ROBO1: variants seen among roughly 807,000 people sequenced by gnomAD.
ROBO1 encodes roundabout guidance receptor 1, also known as roundabout homolog 1.
Under a neutral mutation model 195.9 loss-of-function variants are expected in ROBO1, and 149 were observed. The observed-to-expected ratio is 0.76, with a 90% confidence interval of 0.67 to 0.87. The LOEUF (loss-of-function observed/expected upper bound fraction) is 0.87, where lower values mean the gene tolerates loss of function less well. Ranked by LOEUF, ROBO1 falls within the 40% of genes least tolerant of loss-of-function variation. The probability of loss-of-function intolerance (pLI) is 0.00; values close to 1 mark genes in which losing one functional copy is unlikely to be tolerated. For synonymous variants in ROBO1, 816 were observed against 733.2 expected, an observed-to-expected ratio of 1.11 and a Z score of -1.82; for missense variants, 1,933 against 2,068.3, an observed-to-expected ratio of 0.93 and a Z score of 1.27.
At chr3:79,386,168 C>T (rs1054572257) in intron 2 of ROBO1, among the ~76,000 whole-genome samples, 1 of 151,890 alleles carries the variant, frequency 6.6e-6, no homozygotes, top group African/African-American at 2.4e-5. Flanking sequence ...TAGAAACAGA[C>T]ATATCAGAAT....
intron 4 of ROBO1, among the ~76,000 whole-genome samples, chr3:78,930,960 T>C (rs1455170967): frequency 1.3e-5 from 2 of 152,184 alleles, no homozygotes; most frequent in African/African-American, 4.8e-5. Flanking sequence ...AATTCCTTCC[T>C]GGCACTTGTC....
intron 2 of ROBO1, among the ~76,000 whole-genome samples, chr3:79,463,384 AC>A (rs1937763603): frequency 6.7e-6 from 1 of 149,766 alleles, no homozygotes; most frequent in African/African-American, 2.5e-5. Context: ...CAAAAAAAAA[AC>A]ATAAAACAAA....
chr3:79,438,325 T>C (rs994656888), intron 2 of ROBO1, among the ~76,000 whole-genome samples: 1 of 151,934 alleles, frequency 6.6e-6, no homozygotes, highest in Non-Finnish European at 1.5e-5. Flanking sequence ...CCAATTTATA[T>C]TAACACTAAC....
rs2040677416 is a variant in ROBO1 at position 78,949,889 on chromosome 3, C to A, written c.173-10962G>T. 2.0e-5 allele frequency among the ~76,000 whole-genome samples: 3 copies of A among 152,180 alleles called. No individual in the cohort carries two copies. In the South Asian group the frequency reaches 6.2e-4, roughly 31 times the overall value. ...CACTTCTCAAAAGAAGACATTTATG[C>A]AGCCAAAATCACATGAAAAAATGCT... On this transcript the variant is annotated intron_variant, in intron 3 of 30. Transcript: ENST00000464233.
At chr3:79,736,951 T>C (rs1703417483) in intron 1 of ROBO1, among the ~76,000 whole-genome samples, 1 of 152,230 alleles carries the variant, frequency 6.6e-6, no homozygotes, top group Non-Finnish European at 1.5e-5. Flanking sequence ...TATATTTCAA[T>C]AGACTTCTTT....
intron 9 of ROBO1, 111 bp downstream of exon 9, chr3:78,688,537 T>G: frequency 8.7e-7 from 1 of 1,155,708 alleles, no homozygotes; most frequent in Non-Finnish European, 1.2e-6. Context: ...GATTTGCCAG[T>G]TCTCTTAATG....
intron 4 of ROBO1, among the ~76,000 whole-genome samples, chr3:78,812,543 TA>T (rs1449836416): frequency 1.3e-5 from 2 of 152,110 alleles, no homozygotes; most frequent in Non-Finnish European, 2.9e-5. Flanking sequence ...TAAAACGGAA[TA>T]AATATCCTGG....
chr3:79,197,484 T>C (rs2081661052), intron 2 of ROBO1, among the ~76,000 whole-genome samples: 1 of 152,124 alleles, frequency 6.6e-6, no homozygotes, highest in South Asian at 2.1e-4. Flanking sequence ...TTGTGAACGG[T>C]GCCACAATAA....
chr3:79,069,507 T>A (rs2079053607), intron 3 of ROBO1, among the ~76,000 whole-genome samples: 1 of 152,000 alleles, frequency 6.6e-6, no homozygotes, highest in Non-Finnish European at 1.5e-5. Flanking sequence ...TGCTATTTGC[T>A]ACTATTTACA....
At chr3:78,835,545 T>C (rs1411543515) in intron 4 of ROBO1, among the ~76,000 whole-genome samples, 1 of 152,200 alleles carries the variant, frequency 6.6e-6, no homozygotes, top group African/African-American at 2.4e-5. Context: ...CTAAATTTCC[T>C]ATAGGGAGTG....
intron 2 of ROBO1, among the ~76,000 whole-genome samples, chr3:79,394,079 A>G (rs1269148177): frequency 6.6e-6 from 1 of 152,174 alleles, no homozygotes; most frequent in Admixed American, 6.5e-5. Context: ...TGATGAAGCA[A>G]ATCAAGAGAA....
At chr3:78,720,055 G>A (rs1271665436) in intron 5 of ROBO1, among the ~76,000 whole-genome samples, 1 of 152,076 alleles carries the variant, frequency 6.6e-6, no homozygotes, top group Admixed American at 6.6e-5. Context: ...AGGGAACAGT[G>A]GCTCAGAAAA....
At chr3:79,631,736 T>C (rs927903074) in intron 1 of ROBO1, among the ~76,000 whole-genome samples, 1 of 151,822 alleles carries the variant, frequency 6.6e-6, no homozygotes, top group Admixed American at 6.6e-5. Flanking sequence ...AAACTATGCA[T>C]CTGATAATCC....
chr3:79,736,469 G>T (rs958209049), intron 1 of ROBO1, among the ~76,000 whole-genome samples: 1 of 152,058 alleles, frequency 6.6e-6, no homozygotes, highest in Admixed American at 6.6e-5. Context: ...GACTATGGTG[G>T]GGAGGAACTA....
At chr3:79,010,138 G>C (rs1559587624) in intron 3 of ROBO1, among the ~76,000 whole-genome samples, 1 of 152,102 alleles carries the variant, frequency 6.6e-6, no homozygotes, top group Non-Finnish European at 1.5e-5. Flanking sequence ...AACTAAAACA[G>C]GTTGGCAGCA....
chr3:79,693,350 C>T (rs1947348830), intron 1 of ROBO1, among the ~76,000 whole-genome samples: 1 of 150,976 alleles, frequency 6.6e-6, no homozygotes, highest in Non-Finnish European at 1.5e-5. Context: ...AGCAGATCAC[C>T]TGTTAATAAA....
chr3:78,822,560 A>C (rs941117651), intron 4 of ROBO1, among the ~76,000 whole-genome samples: 2 of 152,208 alleles, frequency 1.3e-5, no homozygotes, highest in Non-Finnish European at 2.9e-5. Context: ...CTCTAAACTG[A>C]AAAAAGCAGA....
chr3:78,623,579 T>C (rs1406898584), intron 26 of ROBO1, among the ~76,000 whole-genome samples: 1 of 152,128 alleles, frequency 6.6e-6, no homozygotes. Context: ...TCTTAAGCAA[T>C]GGAGAGACTT....
intron 1 of ROBO1, among the ~76,000 whole-genome samples, chr3:79,753,160 T>C (rs921053090): frequency 1.3e-5 from 2 of 152,158 alleles, no homozygotes; most frequent in Non-Finnish European, 2.9e-5. Context: ...ATATTTAGTA[T>C]AGACCTGTGG....
Sources: allele counts gnomAD v4.1 joint callset (sites outside exome capture counted in the v4.1 genomes callset), GRCh38; gene constraint gnomAD v4.1.1; transcripts MANE v1.5; gene names NCBI Gene and HGNC (gene_info 2026-07-23, HGNC 2026-07-21).